The following FGGY variants were observed in gnomAD, a reference collection of about 807,000 sequenced individuals.
FGGY encodes the protein FGGY carbohydrate kinase domain containing.
FGGY carries 72 observed loss-of-function variants against 71.3 expected under a neutral mutation model. The ratio of observed to expected loss-of-function variants is 1.01; its 90% confidence interval spans 0.84 to 1.23. The LOEUF is 1.23. Ranked by LOEUF, FGGY falls within the 50% of genes most tolerant of loss-of-function variation. The probability of loss-of-function intolerance (pLI) is 0.00; values close to 1 mark genes in which losing one functional copy is unlikely to be tolerated. For missense variants in FGGY, 668 were observed against 682.3 expected (o/e 0.98, Z 0.23); for synonymous variants, 251 against 250.3 (o/e 1.00, Z -0.02).
chr1:59,627,479 TATATATATATACACACAC>T (rs2096868953), intron 10 of FGGY, among the ~76,000 whole-genome samples: 1 of 132,554 alleles, frequency 7.5e-6, no homozygotes, highest in African/African-American at 3.2e-5. Context: ...TATATATATA[TATATATATATACACACAC>T]ACACACACAC....
At chr1:59,744,792 A>G (rs969261111) in intron 14 of FGGY, among the ~76,000 whole-genome samples, 9 of 152,174 alleles carry the variant, frequency 5.9e-5, no homozygotes, top group African/African-American at 2.2e-4. Context: ...ATTTATATCA[A>G]TTTTGGGGAA....
intron 7 of FGGY, among the ~76,000 whole-genome samples, chr1:59,553,472 C>T (rs1178658130): frequency 6.6e-6 from 1 of 152,132 alleles, no homozygotes; most frequent in Non-Finnish European, 1.5e-5. Context: ...GAATTTATAC[C>T]ATTTATGGGA....
chr1:59,486,638 A>C (rs2093666402), intron 6 of FGGY, among the ~76,000 whole-genome samples: 1 of 152,114 alleles, frequency 6.6e-6, no homozygotes, highest in Non-Finnish European at 1.5e-5. Context: ...TCAGCTTGGG[A>C]TGCTTTCCCA....
At chr1:59,558,383 A>G (rs1329779273) in intron 8 of FGGY, among the ~76,000 whole-genome samples, 1 of 152,182 alleles carries the variant, frequency 6.6e-6, no homozygotes, top group Non-Finnish European at 1.5e-5. Context: ...AAAGAGAAAG[A>G]GTACAACGAG....
At chr1:59,513,487 T>G (rs1008768456) in intron 7 of FGGY, among the ~76,000 whole-genome samples, 1 of 152,354 alleles carries the variant, frequency 6.6e-6, no homozygotes, top group African/African-American at 2.4e-5. Context: ...CTCCTCTAAC[T>G]GCAAGACCCA....
At chr1:59,644,835 T>A (rs1041676615) in intron 11 of FGGY, among the ~76,000 whole-genome samples, 4 of 151,990 alleles carry the variant, frequency 2.6e-5, no homozygotes, top group Non-Finnish European at 2.9e-5. Flanking sequence ...AAATTGGCTG[T>A]GCGTGGTGGC....
chr1:59,664,997 T>G (rs949157272), intron 12 of FGGY, among the ~76,000 whole-genome samples: 1 of 152,106 alleles, frequency 6.6e-6, no homozygotes, highest in African/African-American at 2.4e-5. Flanking sequence ...ATATGTGAAA[T>G]GCCTAAATGC....
chr1:59,761,706 G>A (rs532383118), intron 15 of FGGY, among the ~76,000 whole-genome samples: 72 of 152,276 alleles, frequency 4.7e-4, no homozygotes, highest in African/African-American at 1.4e-3. Flanking sequence ...GGAGAGCAAC[G>A]GCCACTGTGA....
At chr1:59,353,341 G>A (rs1202447243) in intron 4 of FGGY, among the ~76,000 whole-genome samples, 3 of 152,150 alleles carry the variant, frequency 2.0e-5, no homozygotes, top group African/African-American at 4.8e-5. Context: ...CACTAACTGA[G>A]ATAATTTTAA....
At chr1:59,668,323 C>G (rs2097343785) in intron 13 of FGGY, among the ~76,000 whole-genome samples, 1 of 152,118 alleles carries the variant, frequency 6.6e-6, no homozygotes. Context: ...CTCCCAGGAC[C>G]CATCACTGGG....
At chr1:59,351,815 C>T (rs2053360141) in intron 4 of FGGY, among the ~76,000 whole-genome samples, 1 of 152,096 alleles carries the variant, frequency 6.6e-6, no homozygotes, top group Admixed American at 6.5e-5. Flanking sequence ...CAGAGCTGAC[C>T]ACTCACTTCG....
intron 10 of FGGY, among the ~76,000 whole-genome samples, chr1:59,629,655 A>G (rs766771769): frequency 4.6e-5 from 7 of 152,214 alleles, no homozygotes; most frequent in Non-Finnish European, 8.8e-5. Context: ...TGAAGGGACC[A>G]TAACGGTCAT....
intron 14 of FGGY, among the ~76,000 whole-genome samples, chr1:59,743,799 C>G (rs1456147501): frequency 6.6e-6 from 1 of 152,188 alleles, no homozygotes; most frequent in Non-Finnish European, 1.5e-5. Context: ...TGTTTCCAAA[C>G]CAAGAAGCTT....
At chr1:59,487,142 A>G (rs979138644) in intron 6 of FGGY, among the ~76,000 whole-genome samples, 3 of 152,336 alleles carry the variant, frequency 2.0e-5, no homozygotes, top group Non-Finnish European at 2.9e-5. Flanking sequence ...TCACACTAAA[A>G]GAAAATAGAA....
rs1263518426 is a variant in FGGY at position 59,674,184 on chromosome 1, T to C, written c.1512+51T>C. The C allele has an allele frequency of 4.3e-6, 6 of 1,404,720 alleles. No individual in the cohort carries two copies. In the South Asian group the frequency reaches 7.2e-5, roughly 17 times the overall value. 87.0% of individuals were successfully genotyped at this position (1,404,720 alleles called of 1,614,324 possible). On this transcript the variant is annotated intron_variant, in intron 14 of 15. Transcript: ENST00000303721. ...GTGGCTCCTCCCCTGTCTGAGGCCA[T>C]CCTTCCTCTTGACAGCAGCTCGCAT...
At chr1:59,710,343 C>T (rs1051142771) in intron 14 of FGGY, among the ~76,000 whole-genome samples, 1 of 151,968 alleles carries the variant, frequency 6.6e-6, no homozygotes, top group African/African-American at 2.4e-5. Flanking sequence ...CCAGAAAAAC[C>T]CTAGAAGAAA....
chr1:59,462,522 A>G (rs1181824065), intron 6 of FGGY, among the ~76,000 whole-genome samples: 2 of 152,190 alleles, frequency 1.3e-5, no homozygotes, highest in Non-Finnish European at 2.9e-5. Flanking sequence ...TGAACAGGCA[A>G]CCCACAAAAT....
chr1:59,448,211 T>G (rs923063471), intron 5 of FGGY, among the ~76,000 whole-genome samples: 5 of 152,238 alleles, frequency 3.3e-5, no homozygotes, highest in African/African-American at 1.2e-4. Flanking sequence ...GGTTTTTGCC[T>G]CTTTGAAACA....
At chr1:59,375,879 G>GTTTTTT (rs770578651) in intron 4 of FGGY, among the ~76,000 whole-genome samples, 3 of 99,386 alleles carry the variant, frequency 3.0e-5, no homozygotes, top group Non-Finnish European at 6.0e-5. Context: ...ATCTAAAGTA[G>GTTTTTT]TTTTTTTTTT....
Sources: allele counts gnomAD v4.1 joint callset (sites outside exome capture counted in the v4.1 genomes callset), GRCh38; gene constraint gnomAD v4.1.1; transcripts MANE v1.5; gene names NCBI Gene and HGNC (gene_info 2026-07-23, HGNC 2026-07-21).